Variants in IPO11 observed in about 807,000 individuals in gnomAD.
IPO11 encodes importin-11.
In IPO11, 66 loss-of-function variants were observed where a neutral mutation model predicts 143.2. The ratio of observed to expected loss-of-function variants is 0.46; its 90% CI spans 0.38 to 0.57. IPO11 has a LOEUF of 0.57. Ranked by LOEUF, IPO11 falls within the 20% of genes least tolerant of loss-of-function variation. The pLI, the probability that IPO11 is intolerant of heterozygous loss-of-function variation, is 0.00. For missense variants in IPO11, 1,026 were observed against 1,141.0 expected, an observed-to-expected ratio of 0.90 and a Z score of 1.45; for synonymous variants, 385 against 377.8, an observed-to-expected ratio of 1.02 and a Z score of -0.22.
chr5:62,491,996 G>A (rs1188647662), intron 15 of IPO11, among the ~76,000 whole-genome samples: 1 of 151,974 alleles, frequency 6.6e-6, no homozygotes, highest in Non-Finnish European at 1.5e-5. Flanking sequence ...AACATATGTG[G>A]CCTGCATTAT....
chr5:62,538,999 T>G (rs1580300494), intron 24 of IPO11, among the ~76,000 whole-genome samples: 2 of 152,146 alleles, frequency 1.3e-5, no homozygotes, highest in East Asian at 3.9e-4. Context: ...TATTTTTGTG[T>G]CTGTAAATTG....
chr5:62,508,121 A>G (rs189634652), intron 19 of IPO11, among the ~76,000 whole-genome samples: 348 of 152,160 alleles, frequency 2.3e-3, no homozygotes, highest in Non-Finnish European at 4.1e-3. Flanking sequence ...CTTTTAAAAA[A>G]TGTTAACAAA....
chr5:62,503,013 T>G (rs1348526164), intron 16 of IPO11, among the ~76,000 whole-genome samples: 4 of 151,872 alleles, frequency 2.6e-5, no homozygotes, highest in African/African-American at 9.7e-5. Context: ...TTAGTAGAGA[T>G]GGGGTTTCAC....
At chr5:62,580,249 G>A (rs1334758052) in intron 27 of IPO11, 5 of 1,546,188 alleles carry the variant, frequency 3.2e-6, no homozygotes, top group Non-Finnish European at 8.8e-7. Context: ...TACTAGGGAT[G>A]GGTTTAGTGG....
At chr5:62,572,439 G>A (rs995793427) in intron 27 of IPO11, among the ~76,000 whole-genome samples, 12 of 152,040 alleles carry the variant, frequency 7.9e-5, no homozygotes, top group African/African-American at 2.7e-4. Flanking sequence ...GTATTATTTG[G>A]TGTTTACAAC....
intron 21 of IPO11, among the ~76,000 whole-genome samples, chr5:62,529,494 T>C (rs1455668216): frequency 6.6e-6 from 1 of 152,162 alleles, no homozygotes; most frequent in Non-Finnish European, 1.5e-5. Context: ...TATTTTTTCT[T>C]CTATTAATGA....
intron 28 of IPO11, among the ~76,000 whole-genome samples, chr5:62,593,633 CA>C (rs1229517603): frequency 6.6e-6 from 1 of 152,142 alleles, no homozygotes; most frequent in Non-Finnish European, 1.5e-5. Context: ...GTAAGGAAAA[CA>C]AACCAGTTTT....
chr5:62,488,867 G>A (rs1021091743), intron 13 of IPO11, among the ~76,000 whole-genome samples: 1 of 152,146 alleles, frequency 6.6e-6, no homozygotes, highest in Non-Finnish European at 1.5e-5. Context: ...GCTGGGCCTG[G>A]TGGTTAGTAC....
At chr5:62,437,138 A>C (rs1221586632) in intron 1 of IPO11, 136 bp from the exon 2 acceptor site, 21 of 568,700 alleles carry the variant, frequency 3.7e-5, no homozygotes, top group Non-Finnish European at 5.8e-5. Context: ...CTTAGAAAAG[A>C]TAGAAAGGCA....
intron 22 of IPO11, among the ~76,000 whole-genome samples, chr5:62,531,840 C>T (rs1742556156): frequency 6.6e-6 from 1 of 152,050 alleles, no homozygotes; most frequent in Non-Finnish European, 1.5e-5. Flanking sequence ...ATTTGTTTTC[C>T]AATAAAGAGC....
At chr5:62,582,641 G>T (rs1451081326) in intron 27 of IPO11, among the ~76,000 whole-genome samples, 1 of 152,136 alleles carries the variant, frequency 6.6e-6, no homozygotes, top group Non-Finnish European at 1.5e-5. Context: ...TGTGGTTTTG[G>T]GAGATAGGTA....
At position 62,607,417 on chromosome 5, in the gene IPO11, A is replaced by G. The variant is rs539515868; in HGVS notation, c.2763+5569A>G. On this transcript the variant is annotated intron_variant, in intron 29 of 29. Coordinates refer to ENST00000325324, the MANE Select transcript of IPO11 (RefSeq NM_016338.5). ...TGGATGATTTTGACCACTGAGAACC[A>G]GTAGATTGATTCTTTTGCCTGCTCC... Among the ~76,000 whole-genome samples the G allele has an allele frequency of 2.6e-5, 4 of 152,120 alleles. 1 individual carries two copies. The South Asian group carries it at 8.3e-4, about 32-fold the overall frequency.
rs1239522893 is a variant in IPO11 at position 62,444,671 on chromosome 5, C to T, written c.239+1588C>T. On this transcript the variant is annotated intron_variant, in intron 3 of 29. Transcript: ENST00000325324. ...ATCACCTGGGGTCAGGAGTTCGAGACCAGCCTGCCCAACATGGCGAAACCC... is the reference window on the plus strand; with the variant it reads ...ATCACCTGGGGTCAGGAGTTCGAGATCAGCCTGCCCAACATGGCGAAACCC... 3.9e-5 allele frequency among the ~76,000 whole-genome samples: 6 copies of T among 152,042 alleles called. No homozygotes were observed. The East Asian group carries it at 1.2e-3, about 30-fold the overall frequency.
intron 7 of IPO11, among the ~76,000 whole-genome samples, chr5:62,473,614 T>C (rs1217182723): frequency 1.3e-5 from 2 of 152,118 alleles, no homozygotes; most frequent in Non-Finnish European, 2.9e-5. Flanking sequence ...AGGAAAGCCA[T>C]CATCATCCAG....
intron 1 of IPO11, among the ~76,000 whole-genome samples, chr5:62,428,192 G>A (rs1460539998): frequency 1.3e-5 from 2 of 151,632 alleles, no homozygotes; most frequent in Admixed American, 6.6e-5. Flanking sequence ...TGTTGAAACC[G>A]TAGACACTTT....
At chr5:62,426,682 CTA>C (rs1172698315) in intron 1 of IPO11, among the ~76,000 whole-genome samples, 2 of 151,782 alleles carry the variant, frequency 1.3e-5, no homozygotes, top group East Asian at 3.9e-4. Flanking sequence ...AGTGTGTTGA[CTA>C]TAAGAATGAT....
At chr5:62,503,159 T>G (rs1741405031) in intron 16 of IPO11, among the ~76,000 whole-genome samples, 1 of 152,038 alleles carries the variant, frequency 6.6e-6, no homozygotes, top group South Asian at 2.1e-4. Flanking sequence ...GGCTTTCATG[T>G]CTTGGTCTCT....
chr5:62,598,434 C>T (rs62375053), intron 28 of IPO11, among the ~76,000 whole-genome samples: 274 of 1,954 alleles, frequency 0.14, 8 homozygotes, highest in Middle Eastern at 0.25. Context: ...CTTTCTTTCT[C>T]TCTCTCTCTC....
chr5:62,581,816 C>A (rs755385028), intron 27 of IPO11, among the ~76,000 whole-genome samples: 11 of 152,160 alleles, frequency 7.2e-5, no homozygotes, highest in Admixed American at 2.6e-4. Context: ...CTGCACAGTG[C>A]GATGATAAGT....
Sources: gnomAD v4.1 joint callset for allele counts (sites outside exome capture counted in the v4.1 genomes callset) on GRCh38, gnomAD v4.1.1 for gene constraint, MANE v1.5 for transcripts, NCBI Gene and HGNC (gene_info 2026-07-23, HGNC 2026-07-21) for gene names.